The following CYTIP variants were observed in gnomAD, a reference collection of about 807,000 sequenced individuals.
The protein encoded by CYTIP is cytohesin 1 interacting protein.
In CYTIP, 26 loss-of-function variants were observed where a neutral mutation model predicts 43.8. The ratio of observed to expected loss-of-function variants is 0.59; its 90% CI spans 0.44 to 0.82. The LOEUF (loss-of-function observed/expected upper bound fraction) is 0.82. Ranked by LOEUF, CYTIP falls within the 40% of genes least tolerant of loss-of-function variation. The probability of loss-of-function intolerance (pLI) is 0.00; values close to 1 mark genes in which losing one functional copy is unlikely to be tolerated. For missense variants in CYTIP, 426 were observed against 443.1 expected, an observed-to-expected ratio of 0.96 and a Z score of 0.35; for synonymous variants, 162 against 162.9, an observed-to-expected ratio of 0.99 and a Z score of 0.04.
At chr2:157,425,066 TAAAGGAA>T (rs1216713286) in intron 6 of CYTIP, among the ~76,000 whole-genome samples, 1 of 152,016 alleles carries the variant, frequency 6.6e-6, no homozygotes, top group Non-Finnish European at 1.5e-5. Context: ...ATTAAGGACT[TAAAGGAA>T]AAAGGAAAAA....
intron 5 of CYTIP, among the ~76,000 whole-genome samples, chr2:157,429,649 C>T (rs988282804): frequency 2.0e-5 from 3 of 152,066 alleles, no homozygotes; most frequent in Non-Finnish European, 4.4e-5. Flanking sequence ...TTTAACTATC[C>T]TAATAAGATT....
intron 7 of CYTIP, among the ~76,000 whole-genome samples, chr2:157,417,476 G>C (rs1156569693): frequency 6.6e-6 from 1 of 152,266 alleles, no homozygotes; most frequent in East Asian, 1.9e-4. Context: ...GGCCATTCAG[G>C]ATGCTCCAGA....
At chr2:157,435,679 G>C (rs1685799223) in intron 1 of CYTIP, among the ~76,000 whole-genome samples, 1 of 152,018 alleles carries the variant, frequency 6.6e-6, no homozygotes, top group South Asian at 2.1e-4. Context: ...CTCAAATGTT[G>C]CTTCAAGGGC....
At chr2:157,436,386 A>G (rs977893883) in intron 1 of CYTIP, among the ~76,000 whole-genome samples, 1 of 152,044 alleles carries the variant, frequency 6.6e-6, no homozygotes, top group African/African-American at 2.4e-5. Context: ...TATTGTACTC[A>G]TATTTTCTTA....
chr2:157,418,424 A>C (rs1026316404), intron 7 of CYTIP, 99 bp downstream of exon 7: 15 of 1,267,394 alleles, frequency 1.2e-5, no homozygotes, highest in Admixed American at 7.0e-5. Context: ...GCACTAGACA[A>C]ATTTTTCTTA....
intron 1 of CYTIP, among the ~76,000 whole-genome samples, chr2:157,442,472 CA>C (rs35681381): frequency 0.81 from 109,858 of 136,210 alleles, 43,625 homozygotes; most frequent in African/African-American, 0.88. Flanking sequence ...CAGTCTCCAG[CA>C]AAAAAAAAAA....
intron 6 of CYTIP, among the ~76,000 whole-genome samples, chr2:157,426,321 CA>C (rs1161901101): frequency 1.3e-5 from 2 of 152,008 alleles, no homozygotes; most frequent in Non-Finnish European, 2.9e-5. Flanking sequence ...TTCATAAATA[CA>C]ATTCAATTCC....
intron 5 of CYTIP, among the ~76,000 whole-genome samples, chr2:157,429,182 T>G (rs1685659139): frequency 6.6e-6 from 1 of 152,228 alleles, no homozygotes; most frequent in South Asian, 2.1e-4. Context: ...CTCTCTGGCT[T>G]CATTTCTTAT....
chr2:157,417,172 A>G (rs977019541), intron 7 of CYTIP, among the ~76,000 whole-genome samples: 2 of 152,224 alleles, frequency 1.3e-5, no homozygotes, highest in African/African-American at 2.4e-5. Context: ...GTTCTTTCAG[A>G]TGATTTGCAA....
chr2:157,414,755 T>C lies in CYTIP; in HGVS notation c.*922A>G, dbSNP rs561361117. ...ATAAAACATGGAGTAATTGAAAGGC[T>C]AGAAGTAATGTGATACTAACATAAC... On this transcript the variant is annotated 3_prime_UTR_variant, in exon 8 of 8. Transcript: ENST00000264192. 6.6e-6 allele frequency: 1 copy of C among 152,238 alleles called. No homozygotes were observed. Among genetic ancestry groups the C allele is most frequent in the Admixed American group, 6.5e-5 (1 of 15,300 alleles). The allele number at this position is 152,238 out of a possible 1,614,324, so 9.4% of individuals were successfully genotyped here.
intron 1 of CYTIP, among the ~76,000 whole-genome samples, chr2:157,437,706 A>AG (rs796145897): frequency 2.3e-4 from 35 of 151,432 alleles, no homozygotes; most frequent in African/African-American, 8.5e-4. Context: ...CTCAAAAAAA[A>AG]AAAGAAAAAA....
chr2:157,434,837 TCTCTCTCTCTCTCACACACACACACACA>T (rs1685783776), intron 1 of CYTIP, 90 bp from the exon 2 acceptor site: 1 of 476,894 alleles, frequency 2.1e-6, no homozygotes, highest in Non-Finnish European at 4.1e-6. Context: ...TCTCTCTCTC[TCTCTCTCTCTCTCACACACACACACACA>T]CACACACACA....
chr2:157,430,466 T>G, intron 5 of CYTIP, 93 bp downstream of exon 5: 1 of 1,080,948 alleles, frequency 9.3e-7, no homozygotes, highest in Non-Finnish European at 1.4e-6. Flanking sequence ...CTCCGTCTTG[T>G]AATGCTGAAC....
At chr2:157,438,844 A>G in intron 1 of CYTIP, 1 of 220,808 alleles carries the variant, frequency 4.5e-6, no homozygotes. Context: ...GAATTAATAA[A>G]TTATTAGTAA....
chr2:157,430,022 CA>C (rs768455650), intron 5 of CYTIP, among the ~76,000 whole-genome samples: 367 of 52,708 alleles, frequency 7.0e-3, no homozygotes, highest in Admixed American at 0.012. Flanking sequence ...GACTCCGTCT[CA>C]AAAAAAAAAA....
rs767491289 is a variant in CYTIP, at chr2:157,416,148, A to G, written c.614-5T>C. 1 of 1,597,068 alleles carries G rather than the reference A, an allele frequency of 6.3e-7. No individual in the cohort carries two copies. The highest frequency in any genetic ancestry group is 2.2e-5 in the East Asian group (1 of 44,814). Reference sequence around the variant, plus strand: ...TGGGGCAATTAGCTGCATCACCTAGAGCACAAAGTCTACTGTGAAATGGAT... The same window carrying G: ...TGGGGCAATTAGCTGCATCACCTAGGGCACAAAGTCTACTGTGAAATGGAT... On this transcript the variant is annotated splice_region_variant and splice_polypyrimidine_tract_variant and intron_variant, in intron 7 of 7. Transcript: ENST00000264192.
intron 1 of CYTIP, among the ~76,000 whole-genome samples, chr2:157,435,947 G>C (rs567730025): frequency 4.9e-4 from 74 of 152,256 alleles, no homozygotes; most frequent in Non-Finnish European, 9.3e-4. Flanking sequence ...TAGGAATTTT[G>C]AATTACCAGG....
intron 6 of CYTIP, among the ~76,000 whole-genome samples, chr2:157,421,033 G>A (rs1265576844): frequency 6.6e-6 from 1 of 152,200 alleles, no homozygotes; most frequent in Non-Finnish European, 1.5e-5. Flanking sequence ...ATTTCAGTAT[G>A]TCGTCACTTA....
At chr2:157,432,240 T>C (rs1685724682) in intron 3 of CYTIP, among the ~76,000 whole-genome samples, 2 of 152,214 alleles carry the variant, frequency 1.3e-5, no homozygotes, top group Non-Finnish European at 2.9e-5. Context: ...TAGAAACATG[T>C]TGATTTATGT....
Sources: gnomAD v4.1 joint callset for allele counts (sites outside exome capture counted in the v4.1 genomes callset) on GRCh38, gnomAD v4.1.1 for gene constraint, MANE v1.5 for transcripts, NCBI Gene and HGNC (gene_info 2026-07-23, HGNC 2026-07-21) for gene names.